The following UAP1L1 variants were observed in gnomAD, a reference collection of about 807,000 sequenced individuals.
The protein encoded by UAP1L1 is UDP-N-acetylhexosamine pyrophosphorylase-like protein 1.
In UAP1L1, 45 loss-of-function variants were observed where a neutral mutation model predicts 45.3. The observed-to-expected ratio is 0.99, with a 90% CI of 0.78 to 1.27. The LOEUF (loss-of-function observed/expected upper bound fraction) is 1.27, where lower values mean the gene tolerates loss of function less well. Among genes scored for constraint, UAP1L1 ranks in the 50% most tolerant of loss-of-function variants. UAP1L1 has a pLI of 0.00. For synonymous variants in UAP1L1, 323 were observed against 303.9 expected, an observed-to-expected ratio of 1.06 and a Z score of -0.65; for missense variants, 667 against 694.0, an observed-to-expected ratio of 0.96 and a Z score of 0.44.
At chr9:137,078,786 G>A in intron 3 of UAP1L1, 109 bp downstream of exon 3, 1 of 1,352,248 alleles carries the variant, frequency 7.4e-7, no homozygotes, top group Admixed American at 2.7e-5. Context: ...TGTGGTCCTG[G>A]GTTAGGCGCC....
chr9:137,077,579 A>G lies in UAP1L1; in HGVS notation c.47A>G (p.Gln16Arg). Residue 16 changes from glutamine to arginine, a missense_variant, in exon 1 of 9, where the codon CAG becomes CGG. Transcript: ENST00000409858. This position sits in a 1 kb window ranked among gnomAD's most constrained non-coding sequence, Gnocchi z 4.7. ...DVRARLQRAG[Q>R]EHLLRFWAEL... ...CGCGCCCGGCTGCAGCGCGCTGGCC[A>G]GGAGCACCTCCTGCGCTTCTGGGCC... 24 of 1,395,576 alleles carry G rather than the reference A, an allele frequency of 1.7e-5. No individual in the cohort carries two copies. The highest frequency in any genetic ancestry group is 3.4e-5 in the East Asian group (1 of 29,716). 86.4% of individuals were successfully genotyped at this position (1,395,576 alleles called of 1,614,324 possible).
Position 137,082,391 on chromosome 9 carries a change from T to A in UAP1L1, c.1432-246T>A. 1 of 594,720 alleles carries A rather than the reference T, an allele frequency of 1.7e-6. No homozygotes were observed. The highest frequency in any genetic ancestry group is 3.0e-6 in the Non-Finnish European group (1 of 334,594). 36.8% of individuals were successfully genotyped at this position (594,720 alleles called of 1,614,324 possible). A position where few individuals can be genotyped will look rare whatever the true frequency, so the allele number is the denominator to read the frequency against. Reference sequence around the variant, plus strand: ...CTGACCTCGGCTGCCCTTGCCCCTTTCTCTGGTCAGGTCAGACCTGTGCGT... The same window carrying A: ...CTGACCTCGGCTGCCCTTGCCCCTTACTCTGGTCAGGTCAGACCTGTGCGT... On this transcript the variant is annotated intron_variant, in intron 8 of 8. Transcript: ENST00000409858. This position sits in a 1 kb window ranked among gnomAD's most constrained non-coding sequence, Gnocchi z 5.7.
At position 137,079,403 on chromosome 9, in the gene UAP1L1, A is replaced by T. The variant is rs372761273; in HGVS notation, c.991A>T (p.Ile331Phe). The change falls in exon 5 of 9, where the codon ATC becomes TTC. Residue 331 changes from isoleucine (I) to phenylalanine (F), a missense_variant. Transcript: ENST00000409858. ...GAGCCTGCTGTACAATGCAGGCAAC[A>T]TCTGCAACCACTTCTTCACCCGAGG... ...DGSLLYNAGN[I>F]CNHFFTRGFL... is the part of the protein sequence containing the mutation. The T allele has an allele frequency of 1.9e-6, 3 of 1,604,768 alleles. No homozygotes were observed. Among genetic ancestry groups the T allele is most frequent in the Non-Finnish European group, 2.6e-6 (3 of 1,173,936 alleles).
intron 7 of UAP1L1, 22 bp from the exon 8 acceptor site, chr9:137,081,976 T>C (rs746402755): frequency 1.2e-5 from 19 of 1,613,542 alleles, no homozygotes; most frequent in South Asian, 8.8e-5. Flanking sequence ...CAAGGAGATA[T>C]TGACAAGTGG....
chr9:137,080,379 C>G lies in UAP1L1; in HGVS notation c.1178+237C>G, dbSNP rs373282077. 1.8e-5 allele frequency: 11 copies of G among 598,720 alleles called. No individual in the cohort carries two copies. The South Asian group carries it at 2.3e-4, about 12-fold the overall frequency. The allele number at this position is 598,720 out of a possible 1,614,324, so 37.1% of individuals were successfully genotyped here. ...GAGGACAGTAGTGCCACCTCCCGGACCTTCCACTGCCCCCACCCATGGTTA... is the reference window on the plus strand; with the variant it reads ...GAGGACAGTAGTGCCACCTCCCGGAGCTTCCACTGCCCCCACCCATGGTTA... On this transcript the variant is annotated intron_variant, in intron 6 of 8. Coordinates refer to ENST00000409858, the MANE Select transcript of UAP1L1 (RefSeq NM_207309.3).
At chr9:137,081,611 A>G (rs1026399637) in intron 7 of UAP1L1, among the ~76,000 whole-genome samples, 5 of 152,042 alleles carry the variant, frequency 3.3e-5, no homozygotes, top group African/African-American at 1.2e-4. Context: ...TCACCCAACC[A>G]ACGTTGTTCC....
At chr9:137,081,788 G>T (rs1327394443) in intron 7 of UAP1L1, among the ~76,000 whole-genome samples, 1 of 152,170 alleles carries the variant, frequency 6.6e-6, no homozygotes, top group East Asian at 1.9e-4. Context: ...GAGGCCTGTG[G>T]GGGTGCTTTC....
In UAP1L1 at chr9:137,082,163, C is replaced by A; in HGVS notation, c.1431+99C>A. On this transcript the variant is annotated intron_variant, in intron 8 of 8. Transcript: ENST00000409858. The surrounding 1 kb of genome is among the most constrained non-coding windows in gnomAD (Gnocchi z 5.7). ...CTCGGGTGGAGACGGCACAGCTCTACCTCGGTTAACCAATGGGGTCGGTGG... is the reference window on the plus strand; with the variant it reads ...CTCGGGTGGAGACGGCACAGCTCTAACTCGGTTAACCAATGGGGTCGGTGG... 8.6e-7 allele frequency: 1 copy of A among 1,163,004 alleles called. No individual in the cohort carries two copies. The highest frequency in any genetic ancestry group is 1.3e-6 in the Non-Finnish European group (1 of 770,838). The allele number at this position is 1,163,004 out of a possible 1,614,324, so 72.0% of individuals were successfully genotyped here. A position where few individuals can be genotyped will look rare whatever the true frequency, so the allele number is the denominator to read the frequency against.
Position 137,078,304 on chromosome 9 carries a change from C to T in UAP1L1, c.494+50C>T, listed in dbSNP as rs1193181174. On this transcript the variant is annotated intron_variant, in intron 2 of 8. Coordinates refer to ENST00000409858, the MANE Select transcript of UAP1L1 (RefSeq NM_207309.3). ...GCCCGGAGGTACCCTTCCCCACGCCCCCCCACATCCCCGCTCCAGACGCGA... is the reference window on the plus strand; with the variant it reads ...GCCCGGAGGTACCCTTCCCCACGCCTCCCCACATCCCCGCTCCAGACGCGA... 4.0e-6 allele frequency: 6 copies of T among 1,510,492 alleles called. No individual in the cohort carries two copies. The African/African-American group carries it at 8.3e-5, about 21-fold the overall frequency. 93.6% of individuals were successfully genotyped at this position (1,510,492 alleles called of 1,614,324 possible).
At position 137,082,757 on chromosome 9, in the gene UAP1L1, C is replaced by T. The variant is rs7851653; in HGVS notation, c.*28C>T. The T allele has an allele frequency of 0.016, 23,623 of 1,524,032 alleles. 2,601 individuals carry two copies. The African/African-American group carries it at 0.26, about 17-fold the overall frequency. 94.4% of individuals were successfully genotyped at this position (1,524,032 alleles called of 1,614,324 possible). A position where few individuals can be genotyped will look rare whatever the true frequency, so the allele number is the denominator to read the frequency against. On this transcript the variant is annotated 3_prime_UTR_variant, in exon 9 of 9. Transcript: ENST00000409858. This position sits in a 1 kb window ranked among gnomAD's most constrained non-coding sequence, Gnocchi z 5.7. ...CGCCCAGACTGTCCCCAGACTCCCC[C>T]GAGACCTGCCAGCCCCGGCATCCTG...
Position 137,077,557 on chromosome 9 carries a change from G to T in UAP1L1, c.25G>T (p.Ala9Ser), listed in dbSNP as rs1247317836. Residue 9 changes from alanine (A) to serine (S), a missense_variant, in exon 1 of 9, where the codon GCC (alanine) becomes TCC (serine). Physicochemically the swap from Ala to Ser is moderately conservative, Grantham distance 99. Transcript: ENST00000409858. The surrounding 1 kb of genome is among the most constrained non-coding windows in gnomAD (Gnocchi z 4.7). The part of the protein sequence containing the change: MASEQDVR[A>S]RLQRAGQEHL... Reference sequence around the variant, plus strand: ...CATGGCTTCGGAGCAGGACGTGCGCGCCCGGCTGCAGCGCGCTGGCCAGGA... The same window carrying T: ...CATGGCTTCGGAGCAGGACGTGCGCTCCCGGCTGCAGCGCGCTGGCCAGGA... The T allele has an allele frequency of 2.9e-6, 4 of 1,393,248 alleles. No individual in the cohort carries two copies. The African/African-American group carries it at 4.5e-5, about 16-fold the overall frequency. 86.3% of individuals were successfully genotyped at this position (1,393,248 alleles called of 1,614,324 possible).
chr9:137,082,900 A>C lies in UAP1L1; in HGVS notation c.*171A>C, dbSNP rs1832814530. ...CCCATGCTTCCAGCCTGCAGAACACAGAATGAAACATGCTGGTAGACTCCA... is the reference window on the plus strand; with the variant it reads ...CCCATGCTTCCAGCCTGCAGAACACCGAATGAAACATGCTGGTAGACTCCA... On this transcript the variant is annotated 3_prime_UTR_variant, in exon 9 of 9. Transcript: ENST00000409858. The surrounding 1 kb of genome is among the most constrained non-coding windows in gnomAD (Gnocchi z 5.7). 1 of 601,502 alleles carries C rather than the reference A, an allele frequency of 1.7e-6. No homozygotes were observed. 37.3% of individuals were successfully genotyped at this position (601,502 alleles called of 1,614,324 possible).
rs1832722755 is a variant in UAP1L1, at chr9:137,078,135, G to C, written c.375G>C (p.Lys125Asn). The change falls in exon 2 of 9, where the codon AAG (lysine) becomes AAC (asparagine). Residue 125 changes from lysine (K) to asparagine (N), a missense_variant. Physicochemically the swap from Lys to Asn is moderately conservative, Grantham distance 94. Coordinates refer to ENST00000409858, the MANE Select transcript of UAP1L1 (RefSeq NM_207309.3). ...QGTRLGVTYP[K>N]GMYRVGLPSR... ...CTCGCCTGGGCGTGACCTACCCCAA[G>C]GGTATGTACCGTGTGGGGCTGCCCA... The C allele has an allele frequency of 1.3e-6, 2 of 1,550,000 alleles. No homozygotes were observed. Among genetic ancestry groups the C allele is most frequent in the Non-Finnish European group, 8.7e-7 (1 of 1,146,804 alleles).
chr9:137,081,899 C>T lies in UAP1L1; in HGVS notation c.1365-99C>T, dbSNP rs532031755. On this transcript the variant is annotated intron_variant, in intron 7 of 8. Transcript: ENST00000409858. ...TGCTGAGACAGGAGCTGTGGGGAGC[C>T]AGGTGTGTAGAGCTCAGTCTCCTAT... 4 of 1,139,498 alleles carry T rather than the reference C, an allele frequency of 3.5e-6. No homozygotes were observed. In the Admixed American group the frequency reaches 5.1e-5, roughly 14 times the overall value. 70.6% of individuals were successfully genotyped at this position (1,139,498 alleles called of 1,614,324 possible). A position where few individuals can be genotyped will look rare whatever the true frequency, so the allele number is the denominator to read the frequency against.
At position 137,082,625 on chromosome 9, in the gene UAP1L1, G is replaced by C; in HGVS notation, c.1432-12G>C. On this transcript the variant is annotated splice_polypyrimidine_tract_variant and intron_variant, in intron 8 of 8. Transcript: ENST00000409858. The surrounding 1 kb of genome is among the most constrained non-coding windows in gnomAD (Gnocchi z 5.7). ...GGTGGGTACTTGGCCATTGTCCCCTGCTCGTCTCCAGGGTTTAGAAGTGTA... is the reference window on the plus strand; with the variant it reads ...GGTGGGTACTTGGCCATTGTCCCCTCCTCGTCTCCAGGGTTTAGAAGTGTA... 6.4e-7 allele frequency: 1 copy of C among 1,550,878 alleles called. No homozygotes were observed. The highest frequency in any genetic ancestry group is 8.7e-7 in the Non-Finnish European group (1 of 1,146,410).
At position 137,082,963 on chromosome 9, in the gene UAP1L1, T is replaced by C. The variant is rs1832815512; in HGVS notation, c.*234T>C. 2 of 516,524 alleles carry C rather than the reference T, an allele frequency of 3.9e-6. No individual in the cohort carries two copies. Among genetic ancestry groups the C allele is most frequent in the African/African-American group, 3.8e-5 (2 of 52,210 alleles). The allele number at this position is 516,524 out of a possible 1,614,324, so 32.0% of individuals were successfully genotyped here. A position where few individuals can be genotyped will look rare whatever the true frequency, so the allele number is the denominator to read the frequency against. On this transcript the variant is annotated 3_prime_UTR_variant, in exon 9 of 9. Transcript: ENST00000409858. This position sits in a 1 kb window ranked among gnomAD's most constrained non-coding sequence, Gnocchi z 5.7. ...CTCTCCTGTCGCCTCTGGACACAAG[T>C]GGCGACAGCCTGCTGGGGGCTCTGT...
rs1832802124 is a variant in UAP1L1 at position 137,082,372 on chromosome 9, T to G, written c.1432-265T>G. The G allele has an allele frequency of 1.7e-6, 1 of 595,568 alleles. No homozygotes were observed. Among genetic ancestry groups the G allele is most frequent in the Non-Finnish European group, 3.0e-6 (1 of 335,356 alleles). The allele number at this position is 595,568 out of a possible 1,614,324, so 36.9% of individuals were successfully genotyped here. ...ACCGGCCTCTGCTACCTCCCTGACC[T>G]CGGCTGCCCTTGCCCCTTTCTCTGG... On this transcript the variant is annotated intron_variant, in intron 8 of 8. Coordinates refer to ENST00000409858, the MANE Select transcript of UAP1L1 (RefSeq NM_207309.3). The surrounding 1 kb of genome is among the most constrained non-coding windows in gnomAD (Gnocchi z 5.7).
chr9:137,083,182 A>C lies in UAP1L1; in HGVS notation c.*453A>C. The C allele has an allele frequency of 5.9e-6, 1 of 170,608 alleles. No homozygotes were observed. Among genetic ancestry groups the C allele is most frequent in the East Asian group, 1.6e-4 (1 of 6,402 alleles). 10.6% of individuals were successfully genotyped at this position (170,608 alleles called of 1,614,324 possible). The stretch of plus-strand genomic sequence containing the variant: ...CCCACCGAGCACTAGAAGCTGCATA[A>C]GCTACACAGGATGTGCTTCTGCAGC... On this transcript the variant is annotated 3_prime_UTR_variant, in exon 9 of 9. Transcript: ENST00000409858.
In UAP1L1 at chr9:137,082,970, A is replaced by C; in HGVS notation, c.*241A>C. Reference sequence around the variant, plus strand: ...GTCGCCTCTGGACACAAGTGGCGACAGCCTGCTGGGGGCTCTGTGGCTCCA... The same window carrying C: ...GTCGCCTCTGGACACAAGTGGCGACCGCCTGCTGGGGGCTCTGTGGCTCCA... On this transcript the variant is annotated 3_prime_UTR_variant, in exon 9 of 9. Transcript: ENST00000409858. This position sits in a 1 kb window ranked among gnomAD's most constrained non-coding sequence, Gnocchi z 5.7. The C allele has an allele frequency of 2.0e-6, 1 of 508,698 alleles. No individual in the cohort carries two copies. The highest frequency in any genetic ancestry group is 3.6e-6 in the Non-Finnish European group (1 of 277,874). 31.5% of individuals were successfully genotyped at this position (508,698 alleles called of 1,614,324 possible).
Sources: allele counts gnomAD v4.1 joint callset (sites outside exome capture counted in the v4.1 genomes callset), GRCh38; gene constraint gnomAD v4.1.1; non-coding constraint Gnocchi (gnomAD v3.1); transcripts MANE v1.5; gene names NCBI Gene and HGNC (gene_info 2026-07-23, HGNC 2026-07-21).